RAPGEF5: variants seen among roughly 807,000 people sequenced by gnomAD.
The protein encoded by RAPGEF5 is M-Ras-regulated GEF.
In RAPGEF5, 65 loss-of-function variants were observed where a neutral mutation model predicts 125.2. The ratio of observed to expected loss-of-function variants is 0.52; its 90% CI spans 0.43 to 0.64. The LOEUF is 0.64. Among genes scored for constraint, RAPGEF5 ranks in the 30% least tolerant of loss-of-function variants. The pLI is 0.00. For synonymous variants in RAPGEF5, 391 were observed against 385.9 expected (o/e 1.01, Z -0.16); for missense variants, 958 against 1,048.1 (o/e 0.91, Z 1.19).
At chr7:22,323,882 T>C (rs541505451) in intron 1 of RAPGEF5, among the ~76,000 whole-genome samples, 75 of 152,340 alleles carry the variant, frequency 4.9e-4, no homozygotes, top group African/African-American at 1.7e-3. Context: ...GGGATTATTT[T>C]AATTACTAAA....
chr7:22,178,478 C>T (rs1784577186), intron 11 of RAPGEF5, among the ~76,000 whole-genome samples: 1 of 152,190 alleles, frequency 6.6e-6, no homozygotes, highest in Non-Finnish European at 1.5e-5. Flanking sequence ...GACCAGTGGG[C>T]TCTATATCAG....
intron 5 of RAPGEF5, among the ~76,000 whole-genome samples, chr7:22,303,033 G>A (rs2128150922): frequency 6.6e-6 from 1 of 152,260 alleles, no homozygotes; most frequent in South Asian, 2.1e-4. Flanking sequence ...CTGGCAAGCT[G>A]GGAGCTGCTA....
At chr7:22,170,100 T>A (rs921266815) in intron 11 of RAPGEF5, among the ~76,000 whole-genome samples, 2 of 152,008 alleles carry the variant, frequency 1.3e-5, no homozygotes, top group Admixed American at 1.3e-4. Context: ...TGTTTGTTTG[T>A]TTGTTTTTGA....
intron 1 of RAPGEF5, 101 bp from the exon 2 acceptor site, chr7:22,318,138 G>GAAAA: frequency 2.1e-5 from 15 of 701,970 alleles, no homozygotes; most frequent in South Asian, 1.2e-4. Flanking sequence ...CCTCTGCTAT[G>GAAAA]AAAAAAAAAA....
At position 22,281,163 on chromosome 7, in the gene RAPGEF5, A is replaced by G. The variant is rs988868926; in HGVS notation, c.747+10012T>C. On this transcript the variant is annotated intron_variant, in intron 6 of 25. Coordinates refer to ENST00000665637, the MANE Select transcript of RAPGEF5 (RefSeq NM_012294.5). ...TCTCTGAGCAATTCTTTTAATTGCC[A>G]TGGGTCTTCCTATTCTTATCCGTAA... is the stretch of plus-strand genomic sequence containing the variant. 3.9e-5 allele frequency among the ~76,000 whole-genome samples: 6 copies of G among 152,170 alleles called. No homozygotes were observed. The South Asian group carries it at 6.2e-4, about 16-fold the overall frequency.
At chr7:22,242,986 C>G (rs1312181035) in intron 7 of RAPGEF5, among the ~76,000 whole-genome samples, 1 of 143,208 alleles carries the variant, frequency 7.0e-6, no homozygotes, top group Non-Finnish European at 1.5e-5. Flanking sequence ...AAGAAAGAAA[C>G]AAGAGTTCAA....
intron 1 of RAPGEF5, among the ~76,000 whole-genome samples, chr7:22,329,557 T>C (rs1178726895): frequency 6.6e-6 from 1 of 152,120 alleles, no homozygotes; most frequent in Non-Finnish European, 1.5e-5. Flanking sequence ...TGGAAATATT[T>C]TGATGAAAAG....
At chr7:22,152,673 T>G (rs1783666370) in intron 17 of RAPGEF5, among the ~76,000 whole-genome samples, 1 of 152,192 alleles carries the variant, frequency 6.6e-6, no homozygotes, top group African/African-American at 2.4e-5. Flanking sequence ...TTAAAACTTT[T>G]TTTTTGACAA....
intron 20 of RAPGEF5, 63 bp from the exon 21 acceptor site, chr7:22,140,178 A>C: frequency 6.9e-7 from 1 of 1,451,812 alleles, no homozygotes; most frequent in Non-Finnish European, 9.5e-7. Flanking sequence ...ATAATCACAA[A>C]AGATAAAGCT....
chr7:22,331,175 T>C (rs1428652074), intron 1 of RAPGEF5, among the ~76,000 whole-genome samples: 1 of 152,148 alleles, frequency 6.6e-6, no homozygotes, highest in East Asian at 1.9e-4. Flanking sequence ...AACCCTGAAA[T>C]ACAGATTCAA....
rs149024325 is a variant in RAPGEF5, at chr7:22,227,407, G to A, written c.870+3439C>T. On this transcript the variant is annotated intron_variant, in intron 8 of 25. Coordinates refer to ENST00000665637, the MANE Select transcript of RAPGEF5 (RefSeq NM_012294.5). ...TTACCAAATATTTAGCAGTTAATTT[G>A]TATAACAAATAATTATTATCACTTA... Among the ~76,000 whole-genome samples, 473 of 152,164 alleles carry A rather than the reference G, an allele frequency of 3.1e-3. 5 individuals carry two copies. Among genetic ancestry groups the A allele is most frequent in the Non-Finnish European group, 3.4e-3 (231 of 68,012 alleles).
At chr7:22,231,436 C>T (rs1398708780) in intron 7 of RAPGEF5, among the ~76,000 whole-genome samples, 35 of 152,158 alleles carry the variant, frequency 2.3e-4, no homozygotes, top group Non-Finnish European at 5.9e-5. Flanking sequence ...GCCCTTATCA[C>T]CCTTTCTTCA....
intron 9 of RAPGEF5, among the ~76,000 whole-genome samples, chr7:22,210,647 T>C (rs1021274897): frequency 6.6e-6 from 1 of 152,198 alleles, no homozygotes; most frequent in African/African-American, 2.4e-5. Flanking sequence ...TCCTTTACTC[T>C]GACTCACTTT....
chr7:22,177,903 G>A (rs1445604797), intron 11 of RAPGEF5, among the ~76,000 whole-genome samples: 2 of 152,148 alleles, frequency 1.3e-5, no homozygotes, highest in Non-Finnish European at 2.9e-5. Context: ...AGGTTTGGAA[G>A]CGGGAGTAGA....
At chr7:22,193,510 C>T in intron 10 of RAPGEF5, 55 bp from the exon 11 acceptor site, 1 of 1,555,542 alleles carries the variant, frequency 6.4e-7, no homozygotes, top group Non-Finnish European at 8.7e-7. Context: ...CTGCGAGCGG[C>T]TGCTCCATTC....
At chr7:22,347,604 T>A (rs563008724) in intron 1 of RAPGEF5, among the ~76,000 whole-genome samples, 150 of 152,292 alleles carry the variant, frequency 9.8e-4, no homozygotes, top group African/African-American at 3.4e-3. Flanking sequence ...TTAATTATCT[T>A]ATTTAGAGAG....
At chr7:22,262,738 A>G (rs1437611295) in intron 7 of RAPGEF5, among the ~76,000 whole-genome samples, 1 of 152,168 alleles carries the variant, frequency 6.6e-6, no homozygotes, top group African/African-American at 2.4e-5. Context: ...GCCACGGAAC[A>G]CTATTCAGCA....
chr7:22,134,471 G>A (rs556836339), intron 23 of RAPGEF5, among the ~76,000 whole-genome samples: 9 of 122,868 alleles, frequency 7.3e-5, no homozygotes, highest in African/African-American at 3.1e-4. Context: ...GCAGAAAATT[G>A]CATCCGAGCT....
chr7:22,135,610 A>C (rs1358098527), intron 23 of RAPGEF5, among the ~76,000 whole-genome samples: 2 of 152,216 alleles, frequency 1.3e-5, no homozygotes, highest in Non-Finnish European at 2.9e-5. Context: ...GACCAAAGGT[A>C]CTTCTCATAC....
Sources: allele counts gnomAD v4.1 joint callset (sites outside exome capture counted in the v4.1 genomes callset), GRCh38; gene constraint gnomAD v4.1.1; transcripts MANE v1.5; gene names NCBI Gene and HGNC (gene_info 2026-07-23, HGNC 2026-07-21).